HACE1: variants seen among roughly 807,000 people sequenced by gnomAD.
The protein encoded by HACE1 is E3 ubiquitin-protein ligase HACE1.
In HACE1, 73 loss-of-function variants were observed where a neutral mutation model predicts 118.4. The ratio of observed to expected loss-of-function variants is 0.62; its 90% CI spans 0.51 to 0.75. The LOEUF is 0.75. Ranked by LOEUF, HACE1 falls within the 30% of genes least tolerant of loss-of-function variation. The pLI is 0.00. For synonymous variants in HACE1, 368 were observed against 374.8 expected, an observed-to-expected ratio of 0.98 and a Z score of 0.21; for missense variants, 749 against 1,102.2, an observed-to-expected ratio of 0.68 and a Z score of 4.54.
chr6:104,808,746 G>A (rs1354548939), intron 7 of HACE1, among the ~76,000 whole-genome samples: 1 of 151,960 alleles, frequency 6.6e-6, no homozygotes, highest in Admixed American at 6.6e-5. Flanking sequence ...TCATTTATCA[G>A]AAATAACACA....
At position 104,837,217 on chromosome 6, in the gene HACE1, TTATTC is replaced by T. The variant is rs896223367; in HGVS notation, c.403-4049_403-4045del. 6.6e-4 allele frequency among the ~76,000 whole-genome samples: 100 copies of T among 152,188 alleles called. 2 individuals carry two copies. The highest frequency in any genetic ancestry group is 4.1e-4 in the Non-Finnish European group (28 of 68,038). Reference sequence around the variant, plus strand: ...CACAATCTTGACAAAGTGAGAGGAATTATTCTACCTGGTATTAAGACTTACAGCTA... The same window carrying T: ...CACAATCTTGACAAAGTGAGAGGAATTACCTGGTATTAAGACTTACAGCTA... On this transcript the variant is annotated intron_variant, in intron 5 of 23. Transcript: ENST00000262903.
chr6:104,804,633 G>T (rs1019865560), intron 7 of HACE1, among the ~76,000 whole-genome samples: 2 of 152,174 alleles, frequency 1.3e-5, no homozygotes, highest in African/African-American at 4.8e-5. Context: ...GATAAATGGT[G>T]CTGGGAAAAC....
chr6:104,754,799 A>C (rs952943189), intron 19 of HACE1, among the ~76,000 whole-genome samples: 4 of 152,222 alleles, frequency 2.6e-5, no homozygotes, highest in African/African-American at 9.7e-5. Flanking sequence ...CTAAATATGG[A>C]AAGAAAAAAT....
In HACE1 at chr6:104,844,187, G is replaced by A. The variant is rs906065260; in HGVS notation, c.327-889C>T. Among the ~76,000 whole-genome samples the A allele has an allele frequency of 2.7e-5, 4 of 150,262 alleles. No individual in the cohort carries two copies. The South Asian group carries it at 8.4e-4, about 32-fold the overall frequency. Reference sequence around the variant, plus strand: ...CAAGCAGCTAGGATTTCAGGCGCATGCCACCATGCCCAGCTAATTTTGTAT... The same window carrying A: ...CAAGCAGCTAGGATTTCAGGCGCATACCACCATGCCCAGCTAATTTTGTAT... On this transcript the variant is annotated intron_variant, in intron 4 of 23. Coordinates refer to ENST00000262903, the MANE Select transcript of HACE1 (RefSeq NM_020771.4).
intron 10 of HACE1, among the ~76,000 whole-genome samples, chr6:104,793,173 A>T (rs1783235943): frequency 6.6e-6 from 1 of 150,682 alleles, no homozygotes; most frequent in African/African-American, 2.4e-5. Flanking sequence ...AGGCTGAGGC[A>T]GGAGGATGGC....
intron 14 of HACE1, chr6:104,780,600 G>T (rs1207559597): frequency 5.1e-6 from 1 of 194,190 alleles, no homozygotes; most frequent in East Asian, 1.5e-4. Flanking sequence ...CCTCTAATGT[G>T]AGAGCAACTT....
intron 19 of HACE1, among the ~76,000 whole-genome samples, chr6:104,763,741 G>A (rs1288540937): frequency 6.6e-6 from 1 of 152,124 alleles, no homozygotes; most frequent in African/African-American, 2.4e-5. Flanking sequence ...CATCTGGAAT[G>A]CTTTGTTTTG....
intron 7 of HACE1, 30 bp downstream of exon 7, chr6:104,811,281 T>C (rs1204797793): frequency 1.4e-6 from 1 of 697,894 alleles, no homozygotes; most frequent in Non-Finnish European, 2.7e-6. Flanking sequence ...TATGAGCATA[T>C]ATAGCATCTG....
rs776832068 is a variant in HACE1 at position 104,777,193 on chromosome 6, T to C, written c.1678+13A>G. The C allele has an allele frequency of 1.5e-5, 24 of 1,589,472 alleles. No homozygotes were observed. Among genetic ancestry groups the C allele is most frequent in the East Asian group, 8.9e-5 (4 of 44,746 alleles). On this transcript the variant is annotated intron_variant, in intron 15 of 23. Coordinates refer to ENST00000262903, the MANE Select transcript of HACE1 (RefSeq NM_020771.4). ...GTGCTTCACACATATATCAGTTTCTTTGTTAAGCATACCTCTGTGAACCAG... is the reference window on the plus strand; with the variant it reads ...GTGCTTCACACATATATCAGTTTCTCTGTTAAGCATACCTCTGTGAACCAG...
At chr6:104,801,012 A>G (rs1222933966) in intron 7 of HACE1, among the ~76,000 whole-genome samples, 1 of 152,172 alleles carries the variant, frequency 6.6e-6, no homozygotes, top group Non-Finnish European at 1.5e-5. Flanking sequence ...TAGTGTAGAG[A>G]AGATCTTAAA....
chr6:104,743,113 G>A (rs1454724203), intron 22 of HACE1, among the ~76,000 whole-genome samples: 2 of 144,658 alleles, frequency 1.4e-5, no homozygotes, highest in Non-Finnish European at 3.0e-5. Flanking sequence ...ATTGAACAAT[G>A]AGATCACATG....
At chr6:104,837,029 T>C (rs1053599052) in intron 5 of HACE1, among the ~76,000 whole-genome samples, 24 of 152,230 alleles carry the variant, frequency 1.6e-4, no homozygotes, top group Admixed American at 1.4e-3. Context: ...ACTGTGTTTA[T>C]GGATTAAAAG....
intron 19 of HACE1, among the ~76,000 whole-genome samples, chr6:104,753,846 TCTC>T (rs1219784469): frequency 2.0e-5 from 3 of 152,100 alleles, no homozygotes; most frequent in African/African-American, 7.2e-5. Context: ...GAGTGCCTCT[TCTC>T]CTCCAAATGA....
At chr6:104,737,860 C>T (rs538662072) in intron 22 of HACE1, among the ~76,000 whole-genome samples, 1 of 152,338 alleles carries the variant, frequency 6.6e-6, no homozygotes, top group Non-Finnish European at 1.5e-5. Flanking sequence ...TCTGTAGGCT[C>T]CACCTCTGGG....
At chr6:104,796,005 A>G (rs1274637163) in intron 9 of HACE1, among the ~76,000 whole-genome samples, 1 of 152,254 alleles carries the variant, frequency 6.6e-6, no homozygotes. Context: ...GACTAAAACT[A>G]TCACAAACAC....
At chr6:104,758,890 G>A (rs1160941753) in intron 19 of HACE1, among the ~76,000 whole-genome samples, 1 of 151,754 alleles carries the variant, frequency 6.6e-6, no homozygotes, top group Non-Finnish European at 1.5e-5. Flanking sequence ...AAAAAAAGCA[G>A]GGGTTGCAAT....
At position 104,785,156 on chromosome 6, in the gene HACE1, G is replaced by A. The variant is rs1782214456; in HGVS notation, c.1238C>T (p.Pro413Leu). ...ASIPPFEPPG[P>L]GSYENLSTGT... is the part of the protein sequence containing the mutation. Reference sequence around the variant, plus strand: ...AGTGGACAGATTTTCATAGCTCCCAGGTCCTGGAGGTTCAAATGGAGGAAT... The same window carrying A: ...AGTGGACAGATTTTCATAGCTCCCAAGTCCTGGAGGTTCAAATGGAGGAAT... The change falls in exon 12 of 24, where the codon CCT becomes CTT. Residue 413 changes from proline to leucine, a missense_variant. Physicochemically the swap from Pro to Leu is moderately conservative, Grantham distance 98 (BLOSUM62 -3). Around this residue, in one of 5 missense-constraint regions of HACE1, gnomAD observed 267 missense variants for 312.2 expected, o/e 0.86. Transcript: ENST00000262903. 6 of 1,613,906 alleles carry A rather than the reference G, an allele frequency of 3.7e-6. No individual in the cohort carries two copies. Among genetic ancestry groups the A allele is most frequent in the Non-Finnish European group, 5.1e-6 (6 of 1,179,932 alleles).
intron 6 of HACE1, among the ~76,000 whole-genome samples, chr6:104,815,200 G>A (rs1436047989): frequency 2.2e-5 from 3 of 137,482 alleles, no homozygotes; most frequent in African/African-American, 2.9e-5. Flanking sequence ...GGACAATGAC[G>A]TCCAGGCTGA....
At chr6:104,833,698 G>T (rs914438049) in intron 5 of HACE1, among the ~76,000 whole-genome samples, 2 of 152,126 alleles carry the variant, frequency 1.3e-5, no homozygotes, top group African/African-American at 2.4e-5. Flanking sequence ...TCAAAAATTA[G>T]CTGGGCAGCC....
Sources: allele counts gnomAD v4.1 joint callset (sites outside exome capture counted in the v4.1 genomes callset), GRCh38; gene constraint gnomAD v4.1.1; regional missense constraint gnomAD v4.1.1; transcripts MANE v1.5; gene names NCBI Gene and HGNC (gene_info 2026-07-23, HGNC 2026-07-21).